GPC6: variants seen among roughly 807,000 people sequenced by gnomAD.
GPC6 encodes glypican-6.
GPC6 carries 14 observed loss-of-function variants against 55.2 expected under a neutral mutation model. The ratio of observed to expected loss-of-function variants is 0.25; its 90% CI spans 0.17 to 0.40. GPC6 has a LOEUF of 0.40. GPC6 is among the 10% of genes least tolerant of loss of function. The probability of loss-of-function intolerance (pLI) is 1.00; values close to 1 mark genes in which losing one functional copy is unlikely to be tolerated. For missense variants in GPC6, 641 were observed against 708.5 expected, an observed-to-expected ratio of 0.90 and a Z score of 1.08; for synonymous variants, 278 against 259.6, an observed-to-expected ratio of 1.07 and a Z score of -0.68.
chr13:94,358,000 G>A (rs547131991), intron 6 of GPC6, among the ~76,000 whole-genome samples: 69 of 152,258 alleles, frequency 4.5e-4, no homozygotes, highest in Middle Eastern at 3.4e-3. Context: ...CACATGCAGC[G>A]ATACAGCCAT....
chr13:94,266,962 C>A (rs994259581), intron 4 of GPC6, among the ~76,000 whole-genome samples: 5 of 152,078 alleles, frequency 3.3e-5, no homozygotes, highest in East Asian at 1.9e-4. Context: ...AGTGTCTGAC[C>A]CATACGTTTT....
At chr13:93,829,242 C>G (rs1887391926) in intron 2 of GPC6, among the ~76,000 whole-genome samples, 1 of 152,094 alleles carries the variant, frequency 6.6e-6, no homozygotes, top group African/African-American at 2.4e-5. Flanking sequence ...CTTGCTCTAC[C>G]CAAGCTTATT....
chr13:93,624,197 A>G lies in GPC6; in HGVS notation c.319+78776A>G, dbSNP rs369879690. ...CACAAATGTGGGGAATGGCCAATAT[A>G]GTGAATTTTCTCCCACTGGCCTTGT... On this transcript the variant is annotated intron_variant, in intron 2 of 8. Transcript: ENST00000377047. 2.3e-3 allele frequency among the ~76,000 whole-genome samples: 353 copies of G among 151,248 alleles called. 1 individual carries two copies. The highest frequency in any genetic ancestry group is 8.4e-3 in the African/African-American group (347 of 41,162).
chr13:93,792,027 C>T (rs2138923830), intron 2 of GPC6, among the ~76,000 whole-genome samples: 1 of 152,224 alleles, frequency 6.6e-6, no homozygotes, highest in East Asian at 1.9e-4. Context: ...TAAAGTAGTA[C>T]CAATGTGATG....
chr13:93,400,020 G>C (rs1319840727), intron 1 of GPC6, among the ~76,000 whole-genome samples: 1 of 152,134 alleles, frequency 6.6e-6, no homozygotes, highest in East Asian at 1.9e-4. Context: ...ATCGCATAAA[G>C]CTACCTCCCA....
At chr13:94,086,426 C>T (rs1437022772) in intron 4 of GPC6, among the ~76,000 whole-genome samples, 1 of 151,984 alleles carries the variant, frequency 6.6e-6, no homozygotes, top group Non-Finnish European at 1.5e-5. Flanking sequence ...GCCATAGCAC[C>T]CCAAGGACTG....
chr13:93,766,063 T>C (rs1885121173), intron 2 of GPC6, among the ~76,000 whole-genome samples: 1 of 152,212 alleles, frequency 6.6e-6, no homozygotes, highest in Admixed American at 6.5e-5. Context: ...TGTTCTGATA[T>C]TTTGGTGGTG....
At chr13:93,225,387 G>T (rs568901623), upstream of GPC6, among the ~76,000 whole-genome samples, 16 of 152,284 alleles carry the variant, frequency 1.1e-4, no homozygotes, top group African/African-American at 3.9e-4. Context: ...TTTAAGATCT[G>T]CCAGTTAGCA....
intron 2 of GPC6, among the ~76,000 whole-genome samples, chr13:93,810,895 C>T (rs754175752): frequency 1.3e-5 from 2 of 152,116 alleles, no homozygotes; most frequent in Non-Finnish European, 2.9e-5. Context: ...AACTGATAAC[C>T]AGTTTGCTTA....
At chr13:94,150,643 A>G (rs1336219468) in intron 4 of GPC6, among the ~76,000 whole-genome samples, 1 of 151,598 alleles carries the variant, frequency 6.6e-6, no homozygotes, top group Admixed American at 6.6e-5. Context: ...TTCTGATAGG[A>G]AGCATTCTTT....
intron 4 of GPC6, among the ~76,000 whole-genome samples, chr13:94,032,315 G>T (rs572681695): frequency 6.6e-6 from 1 of 152,290 alleles, no homozygotes; most frequent in South Asian, 2.1e-4. Context: ...GAAGCATGGG[G>T]TGCTAAGCCT....
At chr13:93,892,656 A>G (rs1875758829) in intron 3 of GPC6, among the ~76,000 whole-genome samples, 1 of 152,226 alleles carries the variant, frequency 6.6e-6, no homozygotes, top group African/African-American at 2.4e-5. Context: ...ATGTAATCAC[A>G]TGACATAGGT....
chr13:93,623,800 G>T (rs1478600973), intron 2 of GPC6, among the ~76,000 whole-genome samples: 1 of 152,032 alleles, frequency 6.6e-6, no homozygotes, highest in Admixed American at 6.6e-5. Flanking sequence ...CAGAATAGAT[G>T]ATATCTTCTT....
chr13:93,599,406 A>G (rs777803363), intron 2 of GPC6, among the ~76,000 whole-genome samples: 1 of 152,146 alleles, frequency 6.6e-6, no homozygotes, highest in Non-Finnish European at 1.5e-5. Flanking sequence ...CTTATAAATA[A>G]AGCTGATCAG....
intron 3 of GPC6, among the ~76,000 whole-genome samples, chr13:93,912,622 A>T (rs906539528): frequency 2.6e-5 from 4 of 152,178 alleles, no homozygotes; most frequent in Admixed American, 6.5e-5. Flanking sequence ...GGGCGCCTGT[A>T]GTCCCAGCTA....
chr13:93,429,146 AT>A (rs1214017664), intron 1 of GPC6, among the ~76,000 whole-genome samples: 2 of 152,088 alleles, frequency 1.3e-5, no homozygotes, highest in Non-Finnish European at 2.9e-5. Flanking sequence ...AATGACCTGA[AT>A]TTTTTTATTC....
At chr13:94,155,367 C>A (rs1275680548) in intron 4 of GPC6, among the ~76,000 whole-genome samples, 2 of 152,182 alleles carry the variant, frequency 1.3e-5, no homozygotes, top group African/African-American at 2.4e-5. Flanking sequence ...AGACATGCTG[C>A]AGGTTTTACC....
At chr13:93,369,887 G>GT (rs899921207) in intron 1 of GPC6, among the ~76,000 whole-genome samples, 17 of 152,040 alleles carry the variant, frequency 1.1e-4, no homozygotes, top group African/African-American at 3.6e-4. Context: ...CAAATCATCA[G>GT]TTTTTTCCAT....
intron 2 of GPC6, among the ~76,000 whole-genome samples, chr13:93,564,913 C>T (rs1250939790): frequency 2.6e-5 from 4 of 152,136 alleles, no homozygotes; most frequent in Non-Finnish European, 5.9e-5. Flanking sequence ...TTACAAATTT[C>T]CCTATCCTTT....
Sources: allele counts gnomAD v4.1 joint callset (sites outside exome capture counted in the v4.1 genomes callset), GRCh38; gene constraint gnomAD v4.1.1; transcripts MANE v1.5; gene names NCBI Gene and HGNC (gene_info 2026-07-23, HGNC 2026-07-21).